PPEF2: variants seen among roughly 807,000 people sequenced by gnomAD.
PPEF2 encodes protein phosphatase with EF-hand domain 2.
In PPEF2, 84 loss-of-function variants were observed where a neutral mutation model predicts 84.7. The ratio of observed to expected loss-of-function variants is 0.99; its 90% CI spans 0.83 to 1.19. The LOEUF (loss-of-function observed/expected upper bound fraction) is 1.19, where lower values mean the gene tolerates loss of function less well. Among genes scored for constraint, PPEF2 ranks in the 50% most tolerant of loss-of-function variants. The pLI is 0.00. For missense variants in PPEF2, 924 were observed against 937.5 expected, an observed-to-expected ratio of 0.99 and a Z score of 0.19; for synonymous variants, 346 against 345.2, an observed-to-expected ratio of 1.00 and a Z score of -0.03.
At chr4:75,896,473 A>G in intron 1 of PPEF2, 90 bp from the exon 2 acceptor site, 1 of 770,782 alleles carries the variant, frequency 1.3e-6, no homozygotes, top group Non-Finnish European at 2.2e-6. Flanking sequence ...ATGTGAGAGT[A>G]TCCTCTCCAC....
intron 11 of PPEF2, among the ~76,000 whole-genome samples, chr4:75,874,030 C>T (rs958214804): frequency 6.6e-6 from 1 of 151,888 alleles, no homozygotes. Context: ...ATCACTGTAA[C>T]CCGGAAGAGG....
chr4:75,877,025 A>AGAAAGAAAGAAAGAAAGAAG, intron 10 of PPEF2, among the ~76,000 whole-genome samples: 1 of 150,638 alleles, frequency 6.6e-6, no homozygotes, highest in Non-Finnish European at 1.5e-5. Flanking sequence ...AAAGAAAGAA[A>AGAAAGAAAGAAAGAAAGAAG]GAAAGAAAGA....
At chr4:75,878,176 T>G (rs375646224) in intron 10 of PPEF2, among the ~76,000 whole-genome samples, 3 of 152,150 alleles carry the variant, frequency 2.0e-5, no homozygotes, top group South Asian at 4.2e-4. Context: ...CTGGACCTAA[T>G]CAGAAAGACA....
Position 75,889,699 on chromosome 4 carries a change from C to T in PPEF2, c.417+258G>A, listed in dbSNP as rs114217817. Among the ~76,000 whole-genome samples the T allele has an allele frequency of 2.9e-3, 440 of 152,282 alleles. 1 individual carries two copies. The highest frequency in any genetic ancestry group is 6.8e-3 in the Middle Eastern group (2 of 292). ...CCTCAGTGCCCAGAGCAATGTGGGG[C>T]ACACAGCAGTGCTCAGTAGTTATGT... is the stretch of plus-strand genomic sequence containing the variant. On this transcript the variant is annotated intron_variant, in intron 5 of 16. Transcript: ENST00000286719.
chr4:75,899,323 T>A (rs1725071067), intron 1 of PPEF2, among the ~76,000 whole-genome samples: 1 of 152,188 alleles, frequency 6.6e-6, no homozygotes, highest in Admixed American at 6.5e-5. Context: ...TAAACATGAG[T>A]ATGCAATTGT....
At chr4:75,900,684 T>A (rs1725099508) in intron 1 of PPEF2, among the ~76,000 whole-genome samples, 3 of 152,176 alleles carry the variant, frequency 2.0e-5, no homozygotes, top group Admixed American at 2.0e-4. Context: ...ATGAAAAACA[T>A]AGATAAGGAA....
At chr4:75,884,106 GGCAACA>G (rs1052134750) in intron 8 of PPEF2, among the ~76,000 whole-genome samples, 1 of 151,748 alleles carries the variant, frequency 6.6e-6, no homozygotes, top group Non-Finnish European at 1.5e-5. Flanking sequence ...GCACAGCCTG[GGCAACA>G]AGAGTGAAAC....
rs954209 is a variant in PPEF2 at position 75,872,005 on chromosome 4, C to T, written c.1649+20G>A. ...CACTATAATTTTTTTTTCTGAAAAT[C>T]ACTCATTGAAAAGTCTTGCCTTTGC... On this transcript the variant is annotated intron_variant, in intron 13 of 16. Coordinates refer to ENST00000286719, the MANE Select transcript of PPEF2 (RefSeq NM_006239.3). 1.3e-6 allele frequency: 2 copies of T among 1,552,206 alleles called. No homozygotes were observed. The highest frequency in any genetic ancestry group is 1.7e-6 in the Non-Finnish European group (2 of 1,151,012).
chr4:75,901,117 T>A (rs1009092848), intron 1 of PPEF2, among the ~76,000 whole-genome samples: 2 of 152,186 alleles, frequency 1.3e-5, no homozygotes, highest in African/African-American at 4.8e-5. Flanking sequence ...TTTTTACACA[T>A]AAGAAAAATT....
chr4:75,889,853 C>T (rs1281521283), intron 5 of PPEF2, 104 bp downstream of exon 5: 2 of 1,311,688 alleles, frequency 1.5e-6, no homozygotes, highest in Non-Finnish European at 2.2e-6. Flanking sequence ...GGACACATGA[C>T]ATGAACACCC....
intron 13 of PPEF2, among the ~76,000 whole-genome samples, chr4:75,871,593 C>T (rs1724281731): frequency 6.6e-6 from 1 of 152,152 alleles, no homozygotes; most frequent in East Asian, 1.9e-4. Flanking sequence ...ACCTCAGCCT[C>T]CCAAGTAGCT....
chr4:75,872,255 A>C, intron 12 of PPEF2, 88 bp from the exon 13 acceptor site: 2 of 1,281,258 alleles, frequency 1.6e-6, no homozygotes, highest in Non-Finnish European at 1.1e-6. Context: ...CAACTGCAGA[A>C]GCTGCTGTTT....
chr4:75,899,596 T>C (rs1158396955), intron 1 of PPEF2, among the ~76,000 whole-genome samples: 1 of 152,186 alleles, frequency 6.6e-6, no homozygotes, highest in Non-Finnish European at 1.5e-5. Flanking sequence ...AGTTGTTGTC[T>C]TTTTCTCTGA....
intron 10 of PPEF2, among the ~76,000 whole-genome samples, chr4:75,879,161 A>T (rs1405191454): frequency 6.6e-6 from 1 of 152,232 alleles, no homozygotes; most frequent in Non-Finnish European, 1.5e-5. Context: ...GAGGGATTGT[A>T]ACTGGCACTG....
At chr4:75,894,187 T>G (rs560250363) in intron 2 of PPEF2, among the ~76,000 whole-genome samples, 1 of 152,260 alleles carries the variant, frequency 6.6e-6, no homozygotes, top group African/African-American at 2.4e-5. Context: ...GAACAGAGAA[T>G]TTTTTTGATG....
chr4:75,873,472 C>G (rs972481361), intron 11 of PPEF2, among the ~76,000 whole-genome samples, 160 bp from the exon 12 acceptor site: 2 of 152,202 alleles, frequency 1.3e-5, no homozygotes, highest in Non-Finnish European at 2.9e-5. Flanking sequence ...TTTTGGACCT[C>G]TAAGGTTCCA....
At position 75,888,223 on chromosome 4, in the gene PPEF2, T is replaced by C. The variant is rs548348573; in HGVS notation, c.523A>G (p.Thr175Ala). ...RVSTCYSEEI[T>A]VCGDLHGQLD... ...TCTGACCAGCTCTTACCACACACTG[T>C]GATCTCCTCACTGTAACAGGTTGAG... Residue 175 changes from threonine to alanine, a missense_variant, in exon 6 of 17, where the codon ACA becomes GCA. By Grantham distance (58) the Thr-to-Ala change is moderately conservative. Transcript: ENST00000286719. 1 of 1,609,046 alleles carries C rather than the reference T, an allele frequency of 6.2e-7. No homozygotes were observed. Among genetic ancestry groups the C allele is most frequent in the East Asian group, 2.2e-5 (1 of 44,864 alleles).
At chr4:75,874,378 C>A (rs1286149404) in intron 11 of PPEF2, among the ~76,000 whole-genome samples, 1 of 151,888 alleles carries the variant, frequency 6.6e-6, no homozygotes, top group African/African-American at 2.4e-5. Flanking sequence ...TCACTGCAAC[C>A]TCTGCCTCCC....
chr4:75,899,597 T>C (rs1004073045), intron 1 of PPEF2, among the ~76,000 whole-genome samples: 1 of 152,212 alleles, frequency 6.6e-6, no homozygotes, highest in African/African-American at 2.4e-5. Context: ...GTTGTTGTCT[T>C]TTTCTCTGAA....
Sources: allele counts gnomAD v4.1 joint callset (sites outside exome capture counted in the v4.1 genomes callset), GRCh38; gene constraint gnomAD v4.1.1; transcripts MANE v1.5; gene names NCBI Gene and HGNC (gene_info 2026-07-23, HGNC 2026-07-21).